The following DIAPH2 variants were observed in gnomAD, a reference collection of about 807,000 sequenced individuals.
DIAPH2 encodes the protein protein diaphanous homolog 2.
In DIAPH2, 35 loss-of-function variants were observed where a neutral mutation model predicts 92.7. That is an observed-to-expected ratio of 0.38 (90% CI 0.29 to 0.50). DIAPH2 has a LOEUF of 0.50. Ranked by LOEUF, DIAPH2 falls within the 20% of genes least tolerant of loss-of-function variation. The pLI is 0.94. For missense variants in DIAPH2, 701 were observed against 819.5 expected, an observed-to-expected ratio of 0.86 and a Z score of 1.77; for synonymous variants, 301 against 280.4, an observed-to-expected ratio of 1.07 and a Z score of -0.73.
chrX:97,258,316 G>A (rs1385010147), intron 23 of DIAPH2, among the ~76,000 whole-genome samples: 1 of 112,510 alleles, frequency 8.9e-6, no homozygotes, highest in East Asian at 2.8e-4. Context: ...GCTCATACCT[G>A]TAATCCCAGC....
At position 96,939,279 on chromosome X, in the gene DIAPH2, G is replaced by A; in HGVS notation, c.1222G>A (p.Val408Ile). ...IRAEMDDMNE[V>I]YHLLYNMLKD... ...TTTACTTTCTACTGATATGAATGAA[G>A]TCTACCATCTTCTATATAATATGCT... Residue 408 changes from valine to isoleucine, a missense_variant, in exon 12 of 27, where the codon GTC becomes ATC. Val to Ile is a conservative substitution (Grantham distance 29). Transcript: ENST00000324765. The A allele has an allele frequency of 1.9e-6, 2 of 1,040,904 alleles. No homozygotes were observed. The highest frequency in any genetic ancestry group is 2.7e-6 in the Non-Finnish European group (2 of 753,665). The allele number at this position is 1,040,904 out of a possible 1,213,427, so 85.8% of individuals were successfully genotyped here. A position where few individuals can be genotyped will look rare whatever the true frequency, so the allele number is the denominator to read the frequency against.
intron 1 of DIAPH2, among the ~76,000 whole-genome samples, chrX:96,703,661 CT>C (rs1336870855): frequency 1.8e-5 from 2 of 111,457 alleles, no homozygotes; most frequent in African/African-American, 6.5e-5. Context: ...CTTATAGTCC[CT>C]GGAATATTCC....
chrX:97,054,666 T>G lies in DIAPH2; in HGVS notation c.2051-18275T>G, dbSNP rs1602309031. ...TGATTTTGTCTAATAGTGAGTAATC[T>G]GGTTTGGGTAGAGCATTGGGACACC... On this transcript the variant is annotated intron_variant, in intron 17 of 26. Transcript: ENST00000324765. Among the ~76,000 whole-genome samples the G allele has an allele frequency of 3.6e-5, 4 of 111,893 alleles. No individual in the cohort carries two copies. In the Admixed American group the frequency reaches 3.8e-4, roughly 11 times the overall value.
chrX:97,172,567 CT>C (rs1386701318), intron 22 of DIAPH2, among the ~76,000 whole-genome samples: 1 of 111,802 alleles, frequency 8.9e-6, no homozygotes, highest in East Asian at 2.8e-4. Context: ...ATAAAATGTT[CT>C]TTACACTTTC....
chrX:97,145,772 A>T (rs1033947442), intron 22 of DIAPH2, among the ~76,000 whole-genome samples: 3 of 110,512 alleles, frequency 2.7e-5, no homozygotes, highest in Non-Finnish European at 5.7e-5. Context: ...ACTCAAAAAG[A>T]TCTTACGCAC....
At chrX:97,299,109 T>G (rs752962244) in intron 23 of DIAPH2, among the ~76,000 whole-genome samples, 54 of 111,756 alleles carry the variant, frequency 4.8e-4, no homozygotes, top group African/African-American at 1.8e-3. Context: ...TTCATTACTT[T>G]TAAGACAAGC....
At chrX:97,065,241 T>C (rs1175651058) in intron 17 of DIAPH2, among the ~76,000 whole-genome samples, 1 of 111,513 alleles carries the variant, frequency 9.0e-6, no homozygotes, top group Non-Finnish European at 1.9e-5. Context: ...AAAATGTCAG[T>C]TCGTACTTAG....
At chrX:97,149,470 G>A (rs1027411007) in intron 22 of DIAPH2, among the ~76,000 whole-genome samples, 1 of 110,265 alleles carries the variant, frequency 9.1e-6, no homozygotes, top group Non-Finnish European at 1.9e-5. Flanking sequence ...GGTGGCTCAC[G>A]CCTGTAATCC....
chrX:97,429,738 G>A lies in DIAPH2; in HGVS notation c.3234G>A (p.Arg1078=), dbSNP rs1217760639. The A allele has an allele frequency of 2.5e-6, 3 of 1,205,922 alleles. No individual in the cohort carries two copies. The highest frequency in any genetic ancestry group is 3.4e-6 in the Non-Finnish European group (3 of 893,084). ...AFRDRRKRIP[R]NPDNRRVPLE... ...GAGACCGTCGAAAGCGGATTCCAAG[G>A]AATCCAGGTAAAACACATTCCACCT... is the stretch of plus-strand genomic sequence containing the variant. The change falls in exon 26 of 27, where the codon AGG becomes AGA. Residue 1078 remains arginine (R), a synonymous_variant. Transcript: ENST00000324765.
chrX:96,741,056 T>C (rs1782048407), intron 3 of DIAPH2, among the ~76,000 whole-genome samples: 1 of 109,425 alleles, frequency 9.1e-6, no homozygotes, highest in Admixed American at 9.9e-5. Context: ...TCTGCATTCA[T>C]GTATCTGTCT....
At chrX:96,700,976 T>C (rs759417212) in intron 1 of DIAPH2, among the ~76,000 whole-genome samples, 8 of 112,299 alleles carry the variant, frequency 7.1e-5, no homozygotes, top group Non-Finnish European at 1.3e-4. Context: ...TGCTCCCCTT[T>C]TAAAAGTTGA....
chrX:96,814,102 A>G (rs748143261), intron 4 of DIAPH2, among the ~76,000 whole-genome samples: 28 of 111,603 alleles, frequency 2.5e-4, no homozygotes, highest in Non-Finnish European at 3.8e-4. Context: ...TCTCCTGGAT[A>G]ATATCCTTCA....
intron 15 of DIAPH2, among the ~76,000 whole-genome samples, chrX:96,955,081 A>C (rs2065801695): frequency 8.9e-6 from 1 of 112,354 alleles, no homozygotes; most frequent in South Asian, 3.7e-4. Context: ...GTCCGTTCTC[A>C]CACTGCTATG....
chrX:97,429,810 C>CAAA, intron 26 of DIAPH2, 65 bp downstream of exon 26: 3 of 807,254 alleles, frequency 3.7e-6, no homozygotes, highest in Admixed American at 4.7e-5. Context: ...GTAGCAACAC[C>CAAA]AAAAAAAAAA....
At chrX:96,688,239 G>T (rs2063781623) in intron 1 of DIAPH2, among the ~76,000 whole-genome samples, 1 of 112,303 alleles carries the variant, frequency 8.9e-6, no homozygotes, top group South Asian at 3.7e-4. Context: ...TGAAGCCTTT[G>T]GTTCTTCAAA....
chrX:97,129,141 CTTTTCTTTCT>C (rs1313911145), intron 21 of DIAPH2, among the ~76,000 whole-genome samples: 1 of 75,250 alleles, frequency 1.3e-5, no homozygotes, highest in Non-Finnish European at 2.5e-5. Context: ...CTTTTCTTTT[CTTTTCTTTCT>C]TTTCTTTTCT....
chrX:97,046,543 C>T (rs761121646), intron 17 of DIAPH2, among the ~76,000 whole-genome samples: 22 of 111,742 alleles, frequency 2.0e-4, no homozygotes, highest in African/African-American at 5.5e-4. Context: ...AAGTAATTAT[C>T]GGTATAGTGT....
chrX:97,242,404 C>T (rs2068103655), intron 22 of DIAPH2, among the ~76,000 whole-genome samples: 1 of 109,295 alleles, frequency 9.1e-6, no homozygotes, highest in Non-Finnish European at 1.9e-5. Flanking sequence ...CACTCTGTCG[C>T]CCAGGCTGGA....
At chrX:96,805,468 C>G (rs1225528656) in intron 4 of DIAPH2, among the ~76,000 whole-genome samples, 7 of 110,641 alleles carry the variant, frequency 6.3e-5, no homozygotes, top group African/African-American at 2.3e-4. Flanking sequence ...CACTTTACTC[C>G]TGAAAGGATT....
Sources: gnomAD v4.1 joint callset for allele counts (sites outside exome capture counted in the v4.1 genomes callset) on GRCh38, gnomAD v4.1.1 for gene constraint, MANE v1.5 for transcripts, NCBI Gene and HGNC (gene_info 2026-07-23, HGNC 2026-07-21) for gene names.